Variants in CFAP299 observed in about 807,000 individuals in gnomAD.
CFAP299 encodes the protein cilia and flagella associated protein 299.
CFAP299 carries 21 observed loss-of-function variants against 27.0 expected under a neutral mutation model. That is an observed-to-expected ratio of 0.78 (90% confidence interval 0.55 to 1.12). The LOEUF (loss-of-function observed/expected upper bound fraction) is 1.12. Among genes scored for constraint, CFAP299 ranks in the 50% most tolerant of loss-of-function variants. The probability of loss-of-function intolerance (pLI) is 0.00; values close to 1 mark genes in which losing one functional copy is unlikely to be tolerated. For synonymous variants in CFAP299, 104 were observed against 98.1 expected, an observed-to-expected ratio of 1.06 and a Z score of -0.36; for missense variants, 310 against 276.6, an observed-to-expected ratio of 1.12 and a Z score of -0.86.
chr4:80,645,827 T>C (rs752044498), intron 3 of CFAP299, among the ~76,000 whole-genome samples: 27 of 152,202 alleles, frequency 1.8e-4, no homozygotes, highest in Non-Finnish European at 3.4e-4. Context: ...TTATGACTTA[T>C]AAGGTCAAGG....
intron 3 of CFAP299, among the ~76,000 whole-genome samples, chr4:80,725,405 A>C (rs528536858): frequency 5.3e-5 from 8 of 151,472 alleles, no homozygotes; most frequent in Non-Finnish European, 8.8e-5. Flanking sequence ...CTTTTTTATC[A>C]TCTTTGTTTC....
At chr4:80,391,293 T>C (rs1362463043) in intron 2 of CFAP299, among the ~76,000 whole-genome samples, 1 of 152,186 alleles carries the variant, frequency 6.6e-6, no homozygotes, top group African/African-American at 2.4e-5. Context: ...AGAATCTTCA[T>C]AGTATTTTGC....
intron 2 of CFAP299, among the ~76,000 whole-genome samples, chr4:80,511,733 G>A (rs1732312514): frequency 6.6e-6 from 1 of 152,134 alleles, no homozygotes; most frequent in Middle Eastern, 3.4e-3. Context: ...ACTGACCCCA[G>A]GGCCATCATA....
At chr4:80,527,145 C>T (rs1425677370) in intron 2 of CFAP299, among the ~76,000 whole-genome samples, 1 of 152,110 alleles carries the variant, frequency 6.6e-6, no homozygotes, top group Non-Finnish European at 1.5e-5. Context: ...TTGCTCTTTA[C>T]TCTTTATAGA....
intron 3 of CFAP299, among the ~76,000 whole-genome samples, chr4:80,868,905 C>CTCTCTCTGTGTGTG (rs1435285713): frequency 5.8e-5 from 8 of 137,576 alleles, no homozygotes; most frequent in East Asian, 2.1e-4. Flanking sequence ...GCTTCTCTCT[C>CTCTCTCTGTGTGTG]TGTGTGTGTG....
intron 3 of CFAP299, among the ~76,000 whole-genome samples, chr4:80,658,649 A>T (rs963057599): frequency 1.8e-4 from 27 of 152,130 alleles, no homozygotes; most frequent in African/African-American, 5.3e-4. Context: ...GTCCTTTCTC[A>T]TCACTGTTTC....
chr4:80,651,379 T>G (rs1233253084), intron 3 of CFAP299, among the ~76,000 whole-genome samples: 2 of 150,776 alleles, frequency 1.3e-5, no homozygotes, highest in Non-Finnish European at 3.0e-5. Flanking sequence ...TTTTTTTTTT[T>G]TGTTGAGACA....
At chr4:80,950,611 G>A (rs945252371) in intron 5 of CFAP299, among the ~76,000 whole-genome samples, 5 of 152,102 alleles carry the variant, frequency 3.3e-5, no homozygotes, top group Non-Finnish European at 7.4e-5. Flanking sequence ...ATGGGAGCAC[G>A]AAGGCATGGG....
At chr4:80,333,612 T>C (rs1049247445), upstream of CFAP299, among the ~76,000 whole-genome samples, 1 of 151,984 alleles carries the variant, frequency 6.6e-6, no homozygotes, top group African/African-American at 2.4e-5. Context: ...TTTAATATAC[T>C]TCCACCAAGT....
intron 4 of CFAP299, among the ~76,000 whole-genome samples, chr4:80,877,276 T>C (rs890929997): frequency 6.6e-6 from 1 of 152,218 alleles, no homozygotes; most frequent in Non-Finnish European, 1.5e-5. Context: ...TTAGCTTCTC[T>C]TTATTCCAAG....
intron 2 of CFAP299, among the ~76,000 whole-genome samples, chr4:80,573,906 G>A (rs1180802723): frequency 6.6e-6 from 1 of 151,918 alleles, no homozygotes; most frequent in East Asian, 1.9e-4. Flanking sequence ...TCATCTAGTT[G>A]TGTTCCTTTT....
chr4:80,485,937 G>A (rs1017627119), intron 2 of CFAP299, among the ~76,000 whole-genome samples: 12 of 151,932 alleles, frequency 7.9e-5, no homozygotes, highest in African/African-American at 1.7e-4. Context: ...AAACCTAGTC[G>A]CTAAATTCTG....
chr4:80,856,595 G>A (rs1731908495), intron 3 of CFAP299, among the ~76,000 whole-genome samples: 1 of 151,828 alleles, frequency 6.6e-6, no homozygotes, highest in African/African-American at 2.4e-5. Context: ...GTGTAAGGAA[G>A]GGATCGAGTT....
chr4:80,891,817 C>A (rs1332840491), intron 4 of CFAP299, among the ~76,000 whole-genome samples: 5 of 98,572 alleles, frequency 5.1e-5, no homozygotes, highest in Non-Finnish European at 9.7e-5. Flanking sequence ...CTTTGAGAAG[C>A]CCTAGATTAA....
At chr4:80,639,414 T>C (rs938701361) in intron 3 of CFAP299, among the ~76,000 whole-genome samples, 3 of 152,168 alleles carry the variant, frequency 2.0e-5, no homozygotes, top group Non-Finnish European at 4.4e-5. Flanking sequence ...TAAGGGGATA[T>C]AAAAATTCAC....
chr4:80,385,354 A>C (rs953925198), intron 2 of CFAP299, among the ~76,000 whole-genome samples: 1 of 152,076 alleles, frequency 6.6e-6, no homozygotes, highest in Admixed American at 6.5e-5. Flanking sequence ...TATTGTTTTC[A>C]TACATTTATT....
Position 80,772,444 on chromosome 4 carries a change from T to C in CFAP299, c.334-97549T>C, listed in dbSNP as rs529857283. 2.0e-5 allele frequency among the ~76,000 whole-genome samples: 3 copies of C among 152,256 alleles called. No homozygotes were observed. The East Asian group carries it at 5.8e-4, about 29-fold the overall frequency. On this transcript the variant is annotated intron_variant, in intron 3 of 5. Coordinates refer to ENST00000358105, the MANE Select transcript of CFAP299 (RefSeq NM_152770.3). ...AGGTCTGATTCAGGTGGGAGTTTCA[T>C]TTCCGGGAACTCACTCTAATCTGCT...
At chr4:80,943,862 A>G (rs895983870) in intron 4 of CFAP299, among the ~76,000 whole-genome samples, 1 of 151,998 alleles carries the variant, frequency 6.6e-6, no homozygotes, top group Admixed American at 6.6e-5. Context: ...AGGTCAAAAG[A>G]TCGAGACCAT....
chr4:80,356,429 A>G (rs1295163110), intron 1 of CFAP299, among the ~76,000 whole-genome samples: 1 of 152,120 alleles, frequency 6.6e-6, no homozygotes, highest in Non-Finnish European at 1.5e-5. Flanking sequence ...TTTGGGCAGT[A>G]TGGCCATTTT....
Sources: allele counts gnomAD v4.1 joint callset (sites outside exome capture counted in the v4.1 genomes callset), GRCh38; gene constraint gnomAD v4.1.1; transcripts MANE v1.5; gene names NCBI Gene and HGNC (gene_info 2026-07-23, HGNC 2026-07-21).